DCAF13: variants seen among roughly 807,000 people sequenced by gnomAD.
DCAF13 encodes DDB1- and CUL4-associated factor 13.
DCAF13 carries 38 observed loss-of-function variants against 59.0 expected under a neutral mutation model. The ratio of observed to expected loss-of-function variants is 0.64; its 90% CI spans 0.50 to 0.84. The LOEUF (loss-of-function observed/expected upper bound fraction) is 0.84. Among genes scored for constraint, DCAF13 ranks in the 40% least tolerant of loss-of-function variants. DCAF13 has a pLI of 0.00. For synonymous variants in DCAF13, 173 were observed against 175.0 expected (o/e 0.99, Z 0.09); for missense variants, 469 against 558.4 (o/e 0.84, Z 1.61).
chr8:103,441,693 G>T, intron 10 of DCAF13, 75 bp downstream of exon 10: 2 of 1,378,846 alleles, frequency 1.5e-6, no homozygotes, highest in Non-Finnish European at 2.0e-6. Context: ...AAAGTTAACT[G>T]CCATTCAAGG....
chr8:103,436,150 A>G (rs977262838), intron 8 of DCAF13, among the ~76,000 whole-genome samples: 10 of 152,146 alleles, frequency 6.6e-5, no homozygotes, highest in African/African-American at 2.4e-4. Flanking sequence ...AAAATGTCAT[A>G]TGACTATTTT....
At chr8:103,434,329 A>C (rs1288445110) in intron 7 of DCAF13, among the ~76,000 whole-genome samples, 1 of 152,062 alleles carries the variant, frequency 6.6e-6, no homozygotes, top group Non-Finnish European at 1.5e-5. Context: ...ATAATGTGGA[A>C]CTTTGTTTAT....
At position 103,415,419 on chromosome 8, in the gene DCAF13, G is replaced by C; in HGVS notation, c.-28G>C. On this transcript the variant is annotated 5_prime_UTR_variant, in exon 1 of 11. Transcript: ENST00000612750. ...GGGCGGAACTCCTAGCGGACACCTC[G>C]TGGAGTCCGGCCGGAAGAGCAACCG... The C allele has an allele frequency of 6.2e-7, 1 of 1,614,144 alleles. No homozygotes were observed. The highest frequency in any genetic ancestry group is 8.5e-7 in the Non-Finnish European group (1 of 1,180,028).
intron 3 of DCAF13, among the ~76,000 whole-genome samples, chr8:103,425,027 T>G (rs150817520): frequency 3.3e-5 from 5 of 152,352 alleles, no homozygotes; most frequent in Non-Finnish European, 7.3e-5. Context: ...TGATCACTTA[T>G]CTGTTTTCAT....
chr8:103,439,107 A>G (rs1187150434), intron 8 of DCAF13, among the ~76,000 whole-genome samples: 1 of 152,054 alleles, frequency 6.6e-6, no homozygotes, highest in Non-Finnish European at 1.5e-5. Context: ...TCCTGGGTTC[A>G]CGCCATTCTG....
intron 4 of DCAF13, among the ~76,000 whole-genome samples, chr8:103,426,412 C>T (rs191295719): frequency 1.3e-5 from 2 of 151,804 alleles, no homozygotes; most frequent in East Asian, 3.9e-4. Flanking sequence ...AAACATTTCC[C>T]ATGGGAAGAC....
rs1816851035 is a variant in DCAF13, at chr8:103,430,644, G to A, written c.657G>A (p.Arg219=). 1 of 1,610,578 alleles carries A rather than the reference G, an allele frequency of 6.2e-7. No individual in the cohort carries two copies. Among genetic ancestry groups the A allele is most frequent in the Non-Finnish European group, 8.5e-7 (1 of 1,178,408 alleles). ...TCTTGGGAAGTTGTGCATCTGACAG[G>A]AATATAGTACTGTACGATATGAGGC... The part of the protein sequence containing the change: ...TFLLGSCASD[R]NIVLYDMRQA... Residue 219 remains arginine, a synonymous_variant, in exon 6 of 11, where the codon AGG becomes AGA. Transcript: ENST00000612750.
chr8:103,418,137 AG>A (rs896143265), intron 1 of DCAF13, among the ~76,000 whole-genome samples: 1 of 151,852 alleles, frequency 6.6e-6, no homozygotes, highest in Non-Finnish European at 1.5e-5. Flanking sequence ...CAAAAAAAAA[AG>A]AAAAAAAAAG....
At chr8:103,423,685 T>G (rs1029127620) in intron 3 of DCAF13, among the ~76,000 whole-genome samples, 4 of 152,168 alleles carry the variant, frequency 2.6e-5, no homozygotes, top group Non-Finnish European at 5.9e-5. Context: ...CACCACAAAA[T>G]AATAAGTATG....
chr8:103,440,302 A>G, intron 9 of DCAF13, 31 bp downstream of exon 9: 1 of 1,517,742 alleles, frequency 6.6e-7, no homozygotes, highest in Non-Finnish European at 8.8e-7. Context: ...TCATTGTCAT[A>G]AAGCTGATTT....
At position 103,442,847 on chromosome 8, in the gene DCAF13, G is replaced by A; in HGVS notation, c.1303G>A (p.Glu435Lys). 1 of 1,607,788 alleles carries A rather than the reference G, an allele frequency of 6.2e-7. No individual in the cohort carries two copies. The highest frequency in any genetic ancestry group is 8.5e-7 in the Non-Finnish European group (1 of 1,178,168). Residue 435 changes from glutamate to lysine, a missense_variant, in exon 11 of 11, where the codon GAG becomes AAG. This residue lies in a region of DCAF13 where 84 missense variants were observed against 92.3 expected (regional missense o/e 0.91). Coordinates refer to ENST00000612750, the MANE Select transcript of DCAF13 (RefSeq NM_015420.7). ...SKPGSVPLVSEKKKHVVAVVK is the reference protein window; with the variant it reads ...SKPGSVPLVSKKKKHVVAVVK The stretch of plus-strand genomic sequence containing the variant: ...GCCTGGATCTGTGCCACTTGTGTCA[G>A]AGAAGAAGAAACACGTAGTGGCAGT...
rs753823513 is a variant in DCAF13 at position 103,415,524 on chromosome 8, A to G, written c.70+8A>G. On this transcript the variant is annotated splice_region_variant and intron_variant, in intron 1 of 10. Transcript: ENST00000612750. ...AGTTGGACTTACAGAGAGGTAAGATAAGTTGGTAGGGAGAAAGGGACGGTT... is the reference window on the plus strand; with the variant it reads ...AGTTGGACTTACAGAGAGGTAAGATGAGTTGGTAGGGAGAAAGGGACGGTT... 80 of 1,598,854 alleles carry G rather than the reference A, an allele frequency of 5.0e-5. No homozygotes were observed. In the South Asian group the frequency reaches 8.4e-4, roughly 17 times the overall value.
chr8:103,433,663 G>T (rs866393733), intron 7 of DCAF13, among the ~76,000 whole-genome samples: 1 of 151,916 alleles, frequency 6.6e-6, no homozygotes, highest in African/African-American at 2.4e-5. Flanking sequence ...ATGACTTTCT[G>T]CTAAAAAGAG....
intron 3 of DCAF13, among the ~76,000 whole-genome samples, chr8:103,423,578 T>C (rs1224435585): frequency 6.6e-6 from 1 of 152,130 alleles, no homozygotes; most frequent in East Asian, 1.9e-4. Flanking sequence ...AGAGACAAAA[T>C]TTCAAATAGA....
rs141495905 is a variant in DCAF13 at position 103,426,103 on chromosome 8, C to T, written c.426C>T (p.Gly142=). The change falls in exon 4 of 11, where the codon GGC becomes GGT. Residue 142 remains glycine (G), a synonymous_variant. Coordinates refer to ENST00000612750, the MANE Select transcript of DCAF13 (RefSeq NM_015420.7). The part of the protein sequence containing the change: ...TVKQWKMDGP[G]YGDEEEPLHT... ...AGCAGTGGAAAATGGATGGGCCAGGCTATGGAGACGAGGAAGAGCCATTAC... is the reference window on the plus strand; with the variant it reads ...AGCAGTGGAAAATGGATGGGCCAGGTTATGGAGACGAGGAAGAGCCATTAC... 4.4e-5 allele frequency: 71 copies of T among 1,612,276 alleles called. No individual in the cohort carries two copies. The highest frequency in any genetic ancestry group is 1.5e-4 in the African/African-American group (11 of 74,804).
intron 1 of DCAF13, among the ~76,000 whole-genome samples, chr8:103,418,830 A>ATATATATATATG: frequency 1.2e-4 from 1 of 8,168 alleles, no homozygotes. Context: ...ATAATTATAT[A>ATATATATATATG]TATATATATA....
At position 103,443,051 on chromosome 8, in the gene DCAF13, A is replaced by G. The variant is rs1483680321; in HGVS notation, c.*169A>G. On this transcript the variant is annotated 3_prime_UTR_variant, in exon 11 of 11. Coordinates refer to ENST00000612750, the MANE Select transcript of DCAF13 (RefSeq NM_015420.7). ...GAAAAATGATCCTTAAAGGTGGCCT[A>G]GTTGGTAAGACTGTTTTATCCTTAA... 6.1e-6 allele frequency: 3 copies of G among 488,238 alleles called. No individual in the cohort carries two copies. Among genetic ancestry groups the G allele is most frequent in the Non-Finnish European group, 1.1e-5 (3 of 273,938 alleles). 30.2% of individuals were successfully genotyped at this position (488,238 alleles called of 1,614,324 possible). A position where few individuals can be genotyped will look rare whatever the true frequency, so the allele number is the denominator to read the frequency against.
At position 103,415,452 on chromosome 8, in the gene DCAF13, G is replaced by A. The variant is rs753634690; in HGVS notation, c.6G>A (p.Lys2=). The change falls in exon 1 of 11, where the codon AAG becomes AAA. Residue 2 remains lysine, a synonymous_variant. Coordinates refer to ENST00000612750, the MANE Select transcript of DCAF13 (RefSeq NM_015420.7). ...CGGCCGGAAGAGCAACCGAGATGAA[G>A]GTGAAGATGCTGAGCCGGAATCCGG... M[K]VKMLSRNPDN... 8 of 1,614,076 alleles carry A rather than the reference G, an allele frequency of 5.0e-6. No individual in the cohort carries two copies. Among genetic ancestry groups the A allele is most frequent in the Non-Finnish European group, 5.9e-6 (7 of 1,179,970 alleles).
rs1286692723 is a variant in DCAF13 at position 103,435,683 on chromosome 8, T to C, written c.843T>C (p.His281=). 6.2e-7 allele frequency: 1 copy of C among 1,612,864 alleles called. No individual in the cohort carries two copies. Among genetic ancestry groups the C allele is most frequent in the South Asian group, 1.1e-5 (1 of 90,992 alleles). Reference sequence around the variant, plus strand: ...CTCCTGTAATGGTCCATATGGATCATGTATCTGCAGTGCTTGATGTGGATT... The same window carrying C: ...CTCCTGTAATGGTCCATATGGATCACGTATCTGCAGTGCTTGATGTGGATT... The part of the protein sequence containing the change: ...LDTPVMVHMD[H]VSAVLDVDYS... Residue 281 remains histidine (H), a synonymous_variant, in exon 8 of 11, where the codon CAT becomes CAC. Transcript: ENST00000612750.
Sources: gnomAD v4.1 joint callset for allele counts (sites outside exome capture counted in the v4.1 genomes callset) on GRCh38, gnomAD v4.1.1 for gene constraint, gnomAD v4.1.1 regional missense constraint, MANE v1.5 for transcripts, NCBI Gene and HGNC (gene_info 2026-07-23, HGNC 2026-07-21) for gene names.